ANKS1B: variants seen among roughly 807,000 people sequenced by gnomAD.
ANKS1B encodes ankyrin repeat and sterile alpha motif domain containing 1B, also known as ankyrin repeat and sterile alpha motif domain-containing protein 1B.
ANKS1B carries 36 observed loss-of-function variants against 148.3 expected under a neutral mutation model. That is an observed-to-expected ratio of 0.24 (90% confidence interval 0.19 to 0.32). The LOEUF (loss-of-function observed/expected upper bound fraction) is 0.32. ANKS1B is among the 10% of genes least tolerant of loss of function. The pLI is 1.00. For synonymous variants in ANKS1B, 542 were observed against 560.8 expected, an observed-to-expected ratio of 0.97 and a Z score of 0.47; for missense variants, 1,157 against 1,542.6, an observed-to-expected ratio of 0.75 and a Z score of 4.19.
chr12:98,761,647 G>A lies in ANKS1B; in HGVS notation c.3580-10125C>T, dbSNP rs900583029. Among the ~76,000 whole-genome samples, 8 of 152,244 alleles carry A rather than the reference G, an allele frequency of 5.3e-5. 2 individuals are homozygous for A. The highest frequency in any genetic ancestry group is 1.9e-4 in the East Asian group (1 of 5,174). On this transcript the variant is annotated intron_variant, in intron 25 of 26. Coordinates refer to ENST00000683438, the MANE Select transcript of ANKS1B (RefSeq NM_001352186.2). ...TCAGACTACTATACCTATTCATGTAGGCTGTCTTCAATCCGTTATGGAATG... is the reference window on the plus strand; with the variant it reads ...TCAGACTACTATACCTATTCATGTAAGCTGTCTTCAATCCGTTATGGAATG...
intron 1 of ANKS1B, among the ~76,000 whole-genome samples, chr12:99,967,453 C>A (rs1218171846): frequency 1.3e-5 from 2 of 152,100 alleles, no homozygotes. Flanking sequence ...GGGTCTTGCT[C>A]TGTTACCCAG....
At chr12:99,741,654 C>G (rs988101134) in intron 8 of ANKS1B, among the ~76,000 whole-genome samples, 1 of 152,014 alleles carries the variant, frequency 6.6e-6, no homozygotes, top group African/African-American at 2.4e-5. Context: ...AACAGAAAAC[C>G]AAACACCGCA....
chr12:99,795,150 T>C lies in ANKS1B; in HGVS notation c.669+11254A>G, dbSNP rs575100345. ...AAATAATAGTCAGTGGCTAAGAACT[T>C]TACATAATTGATAAGACACTAAGTT... is the stretch of plus-strand genomic sequence containing the variant. On this transcript the variant is annotated intron_variant, in intron 4 of 26. Coordinates refer to ENST00000683438, the MANE Select transcript of ANKS1B (RefSeq NM_001352186.2). Among the ~76,000 whole-genome samples, 327 of 151,900 alleles carry C rather than the reference T, an allele frequency of 2.2e-3. 2 individuals are homozygous for C. Among genetic ancestry groups the C allele is most frequent in the Non-Finnish European group, 3.6e-3 (247 of 67,882 alleles).
intron 9 of ANKS1B, among the ~76,000 whole-genome samples, chr12:99,593,750 A>G (rs376688676): frequency 1.3e-5 from 2 of 152,166 alleles, no homozygotes; most frequent in Non-Finnish European, 2.9e-5. Flanking sequence ...TTTAAAAATT[A>G]TATCAGTAGG....
intron 1 of ANKS1B, among the ~76,000 whole-genome samples, chr12:99,899,792 T>C (rs1013724813): frequency 6.6e-6 from 1 of 152,174 alleles, no homozygotes; most frequent in African/African-American, 2.4e-5. Context: ...GCCCTTGTTA[T>C]TTATAATCTA....
At chr12:99,201,545 T>C (rs897751781) in intron 14 of ANKS1B, among the ~76,000 whole-genome samples, 1 of 152,198 alleles carries the variant, frequency 6.6e-6, no homozygotes, top group African/African-American at 2.4e-5. Flanking sequence ...AGAGACCCAG[T>C]CCTTAAGCAT....
intron 12 of ANKS1B, among the ~76,000 whole-genome samples, chr12:99,319,221 ATATCCTTGTTAACT>A (rs1207950397): frequency 1.3e-4 from 20 of 152,092 alleles, no homozygotes; most frequent in Non-Finnish European, 2.1e-4. Flanking sequence ...CAATTCCTGG[ATATCCTTGTTAACT>A]TTCTGTCTTG....
intron 11 of ANKS1B, among the ~76,000 whole-genome samples, chr12:99,414,344 T>G (rs2094823443): frequency 6.6e-6 from 1 of 152,184 alleles, no homozygotes. Context: ...CTTTCCCTTC[T>G]TAGACATCAC....
intron 10 of ANKS1B, among the ~76,000 whole-genome samples, chr12:99,490,737 CAGTT>C (rs1231408986): frequency 4.6e-5 from 7 of 152,144 alleles, no homozygotes; most frequent in South Asian, 2.1e-4. Context: ...TATTGTATGT[CAGTT>C]AGTTGTGTTA....
intron 9 of ANKS1B, among the ~76,000 whole-genome samples, chr12:99,579,199 C>G (rs952625902): frequency 6.6e-6 from 1 of 152,036 alleles, no homozygotes; most frequent in Non-Finnish European, 1.5e-5. Context: ...AAAGTCAACT[C>G]GAGTTGGATT....
At chr12:99,736,050 A>G (rs2059589472) in intron 8 of ANKS1B, among the ~76,000 whole-genome samples, 1 of 152,120 alleles carries the variant, frequency 6.6e-6, no homozygotes, top group South Asian at 2.1e-4. Flanking sequence ...AGCATTTGAT[A>G]AAATTCAACA....
intron 15 of ANKS1B, among the ~76,000 whole-genome samples, chr12:99,091,165 C>T (rs1477535483): frequency 6.6e-6 from 1 of 152,080 alleles, no homozygotes; most frequent in African/African-American, 2.4e-5. Flanking sequence ...CTTATATGTG[C>T]AAGCTGTGTA....
At chr12:99,223,011 T>G (rs534117493) in intron 14 of ANKS1B, among the ~76,000 whole-genome samples, 1 of 152,216 alleles carries the variant, frequency 6.6e-6, no homozygotes, top group African/African-American at 2.4e-5. Flanking sequence ...TACATACACA[T>G]GTATATGTGT....
rs987199412 is a variant in ANKS1B, at chr12:99,357,887, A to G, written c.1756+41744T>C. 2.0e-4 allele frequency among the ~76,000 whole-genome samples: 31 copies of G among 152,116 alleles called. 1 individual carries two copies. Among genetic ancestry groups the G allele is most frequent in the Admixed American group, 5.2e-4 (8 of 15,272 alleles). ...TTCTTAGCCTGCTCTTAGACATTAG[A>G]TATTACAACTTTTTAATGTTTTCTA... On this transcript the variant is annotated intron_variant, in intron 12 of 26. Transcript: ENST00000683438.
At chr12:99,639,132 A>T (rs950973604) in intron 9 of ANKS1B, among the ~76,000 whole-genome samples, 1 of 150,504 alleles carries the variant, frequency 6.6e-6, no homozygotes, top group Non-Finnish European at 1.5e-5. Flanking sequence ...GGAGCCCCCA[A>T]ACAGAGTCCC....
intron 12 of ANKS1B, among the ~76,000 whole-genome samples, chr12:99,324,419 A>G (rs756533138): frequency 2.0e-5 from 3 of 152,154 alleles, no homozygotes; most frequent in African/African-American, 4.8e-5. Context: ...ACAATGAACT[A>G]GAAGACATCT....
At chr12:98,884,391 A>G (rs2099730482) in intron 17 of ANKS1B, among the ~76,000 whole-genome samples, 1 of 152,250 alleles carries the variant, frequency 6.6e-6, no homozygotes, top group South Asian at 2.1e-4. Context: ...CTGAGCCTAA[A>G]GAGTTCATAC....
At chr12:98,847,624 C>G (rs2099488809) in intron 17 of ANKS1B, among the ~76,000 whole-genome samples, 1 of 151,922 alleles carries the variant, frequency 6.6e-6, no homozygotes, top group Non-Finnish European at 1.5e-5. Context: ...GAGATGGAGT[C>G]TTGCTCTGTC....
At chr12:98,998,820 TG>T (rs1416839264) in intron 17 of ANKS1B, among the ~76,000 whole-genome samples, 1 of 152,224 alleles carries the variant, frequency 6.6e-6, no homozygotes, top group African/African-American at 2.4e-5. Context: ...GCTTTGCCTT[TG>T]GGATACGAAG....
Sources: allele counts gnomAD v4.1 joint callset (sites outside exome capture counted in the v4.1 genomes callset), GRCh38; gene constraint gnomAD v4.1.1; transcripts MANE v1.5; gene names NCBI Gene and HGNC (gene_info 2026-07-23, HGNC 2026-07-21).